Variants in SERINC2 observed in about 807,000 individuals in gnomAD.
SERINC2 encodes the protein serine incorporator 2.
A neutral mutation model predicts 54.2 loss-of-function variants in SERINC2; 56 were observed. The observed-to-expected ratio is 1.03, with a 90% CI of 0.83 to 1.29. The LOEUF (loss-of-function observed/expected upper bound fraction) is 1.29, where lower values mean the gene tolerates loss of function less well. SERINC2 is among the 50% of genes most tolerant of loss of function. The probability of loss-of-function intolerance (pLI) is 0.00; values close to 1 mark genes in which losing one functional copy is unlikely to be tolerated. For synonymous variants in SERINC2, 272 were observed against 253.1 expected, an observed-to-expected ratio of 1.07 and a Z score of -0.71; for missense variants, 614 against 607.4, an observed-to-expected ratio of 1.01 and a Z score of -0.12.
intron 8 of SERINC2, among the ~76,000 whole-genome samples, chr1:31,432,464 T>G (rs1296209598): frequency 3.9e-5 from 6 of 152,094 alleles, no homozygotes; most frequent in Admixed American, 3.9e-4. Context: ...GGGAGGCCAT[T>G]GGTAAAACCA....
In SERINC2 at chr1:31,431,930, ATAGGGTGGTTAGGGTGGT is replaced by A. The variant is rs1557500320; in HGVS notation, c.1014-1019_1014-1002del. Among the ~76,000 whole-genome samples, 24 of 123,040 alleles carry A rather than the reference ATAGGGTGGTTAGGGTGGT, an allele frequency of 2.0e-4. 3 individuals are homozygous for A. The highest frequency in any genetic ancestry group is 3.1e-4 in the South Asian group (1 of 3,230). 80.7% of individuals were successfully genotyped at this position (123,040 alleles called of 152,430 possible). A position where few individuals can be genotyped will look rare whatever the true frequency, so the allele number is the denominator to read the frequency against. On this transcript the variant is annotated intron_variant, in intron 8 of 9. Transcript: ENST00000373709. Reference sequence around the variant, plus strand: ...AGGGTGGATAGGGTGGTTAGGGTGGATAGGGTGGTTAGGGTGGTTAGGGTGGTTAGGGTGGATAGGGTG... The same window carrying A: ...AGGGTGGATAGGGTGGTTAGGGTGGATAGGGTGGTTAGGGTGGATAGGGTG...
chr1:31,425,407 A>G lies in SERINC2; in HGVS notation c.470A>G (p.Asn157Ser). The G allele has an allele frequency of 6.2e-7, 1 of 1,605,982 alleles. No individual in the cohort carries two copies. Among genetic ancestry groups the G allele is most frequent in the Non-Finnish European group, 8.5e-7 (1 of 1,172,500 alleles). Residue 157 changes from asparagine to serine, a missense_variant and splice_region_variant, in exon 4 of 10, where the codon AAC becomes AGC. Physicochemically the swap from Asn to Ser is conservative, Grantham distance 46. Transcript: ENST00000373709. ...TACATTCCTGACGGCTCCTTCACCA[A>G]CAGTAGGCGGACTTGGCAGGAGGCA... ...AFYIPDGSFTNIWFYFGVVGS... is the reference protein window; with the variant it reads ...AFYIPDGSFTSIWFYFGVVGS...
At chr1:31,428,135 G>C (rs1469768091) in intron 6 of SERINC2, among the ~76,000 whole-genome samples, 1 of 151,696 alleles carries the variant, frequency 6.6e-6, no homozygotes, top group South Asian at 2.1e-4. Flanking sequence ...CGCCTCCCAG[G>C]TTCAAGCAAT....
At chr1:31,421,568 G>A (rs975581625) in intron 1 of SERINC2, among the ~76,000 whole-genome samples, 1 of 152,196 alleles carries the variant, frequency 6.6e-6, no homozygotes, top group African/African-American at 2.4e-5. Context: ...TTTCTAGTTT[G>A]GGGGAGAGTA....
intron 3 of SERINC2, 63 bp from the exon 4 acceptor site, chr1:31,425,267 T>A: frequency 8.1e-7 from 1 of 1,242,008 alleles, no homozygotes; most frequent in East Asian, 2.3e-5. Flanking sequence ...CCAGGCCCAG[T>A]CTGGCTTCCA....
intron 1 of SERINC2, among the ~76,000 whole-genome samples, chr1:31,422,191 C>G (rs1640917988): frequency 6.7e-6 from 1 of 150,054 alleles, no homozygotes; most frequent in Non-Finnish European, 1.5e-5. Context: ...CCCAGCTACT[C>G]AGGAGGCTGA....
At chr1:31,417,852 CTTTTTTTT>C (rs3050463) in intron 1 of SERINC2, among the ~76,000 whole-genome samples, 1 of 95,732 alleles carries the variant, frequency 1.0e-5, no homozygotes, top group African/African-American at 4.2e-5. Flanking sequence ...AAATTTCATT[CTTTTTTTT>C]TTTTTTTTTT....
In SERINC2 at chr1:31,434,361, C is replaced by G; in HGVS notation, c.*162C>G. 1 of 675,618 alleles carries G rather than the reference C, an allele frequency of 1.5e-6. No individual in the cohort carries two copies. Among genetic ancestry groups the G allele is most frequent in the Non-Finnish European group, 2.5e-6 (1 of 403,124 alleles). The allele number at this position is 675,618 out of a possible 1,614,324, so 41.9% of individuals were successfully genotyped here. A position where few individuals can be genotyped will look rare whatever the true frequency, so the allele number is the denominator to read the frequency against. ...TGAGCCGGGCCTTCTAGTCGTAGTG[C>G]CTTCAGGGTCCGAGGAGCATCAGGC... On this transcript the variant is annotated 3_prime_UTR_variant, in exon 10 of 10. Coordinates refer to ENST00000373709, the MANE Select transcript of SERINC2 (RefSeq NM_178865.5).
At chr1:31,412,852 A>G (rs542204611), upstream of SERINC2, among the ~76,000 whole-genome samples, 52 of 152,272 alleles carry the variant, frequency 3.4e-4, no homozygotes, top group African/African-American at 7.9e-4. Flanking sequence ...CTCAGCATCT[A>G]CGTATTGAGC....
At position 31,413,673 on chromosome 1, in the gene SERINC2, G is replaced by T; in HGVS notation, c.39+369G>T. 1 of 890,012 alleles carries T rather than the reference G, an allele frequency of 1.1e-6. No homozygotes were observed. The highest frequency in any genetic ancestry group is 1.5e-6 in the Non-Finnish European group (1 of 676,938). The allele number at this position is 890,012 out of a possible 1,614,324, so 55.1% of individuals were successfully genotyped here. A position where few individuals can be genotyped will look rare whatever the true frequency, so the allele number is the denominator to read the frequency against. On this transcript the variant is annotated intron_variant, in intron 1 of 9. Coordinates refer to ENST00000373709, the MANE Select transcript of SERINC2 (RefSeq NM_178865.5). The surrounding 1 kb of genome is among the most constrained non-coding windows in gnomAD (Gnocchi z 5.0). The stretch of plus-strand genomic sequence containing the variant: ...CCCACTTGGGGCGGTCCTCGGGGTG[G>T]CCTCTGTCCCCGTCCCGGACGCCCT...
At chr1:31,427,657 G>T (rs1641080936) in intron 6 of SERINC2, among the ~76,000 whole-genome samples, 1 of 152,004 alleles carries the variant, frequency 6.6e-6, no homozygotes, top group South Asian at 2.1e-4. Context: ...GTAGTTAGTG[G>T]CCTCGGACAT....
chr1:31,426,685 G>T lies in SERINC2; in HGVS notation c.642G>T (p.Leu214Phe). 6.2e-7 allele frequency: 1 copy of T among 1,613,012 alleles called. No homozygotes were observed. The change falls in exon 6 of 10, where the codon TTG (leucine) becomes TTT (phenylalanine). Residue 214 changes from leucine to phenylalanine, a missense_variant. Leu to Phe is a conservative substitution (Grantham distance 22). Coordinates refer to ENST00000373709, the MANE Select transcript of SERINC2 (RefSeq NM_178865.5). ...GLFFFTLLFY[L>F]LSIAAVALMF... ...TCTTCTTCACTCTCCTCTTCTACTT[G>T]CTGTCGATCGCGGCCGTGGCGCTGA...
In SERINC2 at chr1:31,432,156, CAGGGTGGATAGGGTGGAT is replaced by C. The variant is rs1184328936; in HGVS notation, c.1014-794_1014-777del. 9.4e-3 allele frequency among the ~76,000 whole-genome samples: 43 copies of C among 4,552 alleles called. 6 individuals carry two copies. The highest frequency in any genetic ancestry group is 0.033 in the South Asian group (5 of 150). The allele number at this position is 4,552 out of a possible 152,430, so 3.0% of individuals were successfully genotyped here. A position where few individuals can be genotyped will look rare whatever the true frequency, so the allele number is the denominator to read the frequency against. On this transcript the variant is annotated intron_variant, in intron 8 of 9. Transcript: ENST00000373709. ...GGGTGGACAGGGTGGACAGGGTGGA[CAGGGTGGATAGGGTGGAT>C]AGGGTGGATAGGGTGGTTAGAGTGG...
At chr1:31,416,192 C>G (rs1640777810) in intron 1 of SERINC2, among the ~76,000 whole-genome samples, 1 of 152,134 alleles carries the variant, frequency 6.6e-6, no homozygotes, top group African/African-American at 2.4e-5. Flanking sequence ...TTAAATGGGA[C>G]TGAGGTTAGC....
intron 1 of SERINC2, among the ~76,000 whole-genome samples, chr1:31,418,747 G>A (rs1553132497): frequency 6.6e-6 from 1 of 152,168 alleles, no homozygotes; most frequent in Non-Finnish European, 1.5e-5. Flanking sequence ...CACCCTATGA[G>A]TGGTTCTAAG....
chr1:31,431,903 ATAGGGTGGATAGGG>A (rs1641243767), intron 8 of SERINC2, among the ~76,000 whole-genome samples: 2 of 124,140 alleles, frequency 1.6e-5, no homozygotes, highest in African/African-American at 3.2e-5. Context: ...GATAGGGTGG[ATAGGGTGGATAGGG>A]TGGTTAGGGT....
chr1:31,432,004 AGGGT>A (rs2148529415), intron 8 of SERINC2, among the ~76,000 whole-genome samples: 4 of 147,046 alleles, frequency 2.7e-5, no homozygotes, highest in South Asian at 2.2e-4. Context: ...TAGGGTGGAT[AGGGT>A]GGATAGGGTG....
intron 4 of SERINC2, 46 bp downstream of exon 4, chr1:31,425,455 T>C (rs782076506): frequency 7.2e-7 from 1 of 1,392,172 alleles, no homozygotes; most frequent in Non-Finnish European, 1.0e-6. Flanking sequence ...GGGAGGGAAG[T>C]GGGGCGGCAG....
intron 9 of SERINC2, among the ~76,000 whole-genome samples, chr1:31,433,439 A>G (rs1397480744): frequency 6.6e-6 from 1 of 152,140 alleles, no homozygotes; most frequent in East Asian, 1.9e-4. Flanking sequence ...CTGGACCTGT[A>G]CAGGGCAGGC....
Sources: gnomAD v4.1 joint callset for allele counts (sites outside exome capture counted in the v4.1 genomes callset) on GRCh38, gnomAD v4.1.1 for gene constraint, Gnocchi (gnomAD v3.1) non-coding constraint, MANE v1.5 for transcripts, NCBI Gene and HGNC (gene_info 2026-07-23, HGNC 2026-07-21) for gene names.